MAP3K4: variants seen among roughly 807,000 people sequenced by gnomAD.
MAP3K4 encodes MAP three kinase 1.
MAP3K4 carries 67 observed loss-of-function variants against 185.6 expected under a neutral mutation model. The ratio of observed to expected loss-of-function variants is 0.36; its 90% CI spans 0.30 to 0.44. The LOEUF (loss-of-function observed/expected upper bound fraction) is 0.44. MAP3K4 is among the 20% of genes least tolerant of loss of function. The pLI is 1.00. For missense variants in MAP3K4, 1,551 were observed against 1,995.1 expected (o/e 0.78, Z 4.24); for synonymous variants, 702 against 710.4 (o/e 0.99, Z 0.19).
rs1562472179 is a variant in MAP3K4 at position 161,001,012 on chromosome 6, ATG to A, written c.152+8931_152+8932del. ...ATATTATATATTATAATATACACAT[ATG>A]TATATAATATATATTATATATTATA... On this transcript the variant is annotated intron_variant, in intron 1 of 26. Coordinates refer to ENST00000392142, the MANE Select transcript of MAP3K4 (RefSeq NM_005922.4). Among the ~76,000 whole-genome samples the A allele has an allele frequency of 3.4e-4, 10 of 29,748 alleles. 1 individual carries two copies. Among genetic ancestry groups the A allele is most frequent in the Admixed American group, 2.2e-3 (5 of 2,272 alleles). The allele number at this position is 29,748 out of a possible 152,430, so 19.5% of individuals were successfully genotyped here.
At chr6:161,010,674 A>G (rs1228794408) in intron 1 of MAP3K4, among the ~76,000 whole-genome samples, 1 of 152,214 alleles carries the variant, frequency 6.6e-6, no homozygotes, top group Non-Finnish European at 1.5e-5. Context: ...TATATTTACT[A>G]TGACTAACCC....
At position 161,049,712 on chromosome 6, in the gene MAP3K4, C is replaced by T. The variant is rs56189393; in HGVS notation, c.1440C>T (p.Asn480=). 11 of 1,614,170 alleles carry T rather than the reference C, an allele frequency of 6.8e-6. No homozygotes were observed. Among genetic ancestry groups the T allele is most frequent in the Non-Finnish European group, 8.5e-6 (10 of 1,180,030 alleles). The change falls in exon 3 of 27, where the codon AAC becomes AAT. Residue 480 remains asparagine (N), a synonymous_variant. Coordinates refer to ENST00000392142, the MANE Select transcript of MAP3K4 (RefSeq NM_005922.4). The surrounding 1 kb of genome is among the most constrained non-coding windows in gnomAD (Gnocchi z 8.4). ...CGGAAATCAGACAGCCCATAGATAACAGCTTCGACATCCAGTCGCGGGACT... is the reference window on the plus strand; with the variant it reads ...CGGAAATCAGACAGCCCATAGATAATAGCTTCGACATCCAGTCGCGGGACT... ...RVPEIRQPID[N]SFDIQSRDCI...
chr6:161,049,696 G>A lies in MAP3K4; in HGVS notation c.1424G>A (p.Arg475Lys). ...TCTGATCCTAGGGTACCGGAAATCA[G>A]ACAGCCCATAGATAACAGCTTCGAC... ...QISDPRVPEIRQPIDNSFDIQ... is the reference protein window; with the variant it reads ...QISDPRVPEIKQPIDNSFDIQ... The change falls in exon 3 of 27, where the codon AGA (arginine) becomes AAA (lysine). Residue 475 changes from arginine (R) to lysine (K), a missense_variant. By Grantham distance (26) the Arg-to-Lys change is conservative. This residue lies in a region of MAP3K4 where 126 missense variants were observed against 112.8 expected (regional missense o/e 1.12). Coordinates refer to ENST00000392142, the MANE Select transcript of MAP3K4 (RefSeq NM_005922.4). The surrounding 1 kb of genome is among the most constrained non-coding windows in gnomAD (Gnocchi z 8.4). The A allele has an allele frequency of 1.2e-6, 2 of 1,614,176 alleles. No homozygotes were observed. The highest frequency in any genetic ancestry group is 1.7e-6 in the Non-Finnish European group (2 of 1,180,036).
intron 1 of MAP3K4, among the ~76,000 whole-genome samples, chr6:161,009,686 A>T (rs1781758245): frequency 6.6e-6 from 1 of 151,722 alleles, no homozygotes; most frequent in Admixed American, 6.6e-5. Context: ...ATGTGCATTT[A>T]AAAAAAAATC....
At position 161,106,244 on chromosome 6, in the gene MAP3K4, T is replaced by G. The variant is rs1233754760; in HGVS notation, c.3857-270T>G. Among the ~76,000 whole-genome samples, 1 of 152,188 alleles carries G rather than the reference T, an allele frequency of 6.6e-6. No homozygotes were observed. Among genetic ancestry groups the G allele is most frequent in the Non-Finnish European group, 1.5e-5 (1 of 68,032 alleles). ...GAGGAGAAACTAGAGACATGTATAT[T>G]ACTGCAAGATTTTAGCCAACGTTCT... On this transcript the variant is annotated intron_variant, in intron 19 of 26. Coordinates refer to ENST00000392142, the MANE Select transcript of MAP3K4 (RefSeq NM_005922.4). The surrounding 1 kb of genome is among the most constrained non-coding windows in gnomAD (Gnocchi z 4.9).
At chr6:160,997,078 G>C (rs1444147651) in intron 1 of MAP3K4, among the ~76,000 whole-genome samples, 1 of 152,052 alleles carries the variant, frequency 6.6e-6, no homozygotes, top group Non-Finnish European at 1.5e-5. Flanking sequence ...TTAATCTTCA[G>C]TCTTTATAAC....
chr6:161,108,762 A>G lies in MAP3K4; in HGVS notation c.4139A>G (p.Asp1380Gly). Residue 1380 changes from aspartate (D) to glycine (G), a missense_variant, in exon 22 of 27, where the codon GAC becomes GGC. Transcript: ENST00000392142. This position sits in a 1 kb window ranked among gnomAD's most constrained non-coding sequence, Gnocchi z 5.7. ...TTACAGATTCGATTTCAACCTAATGACCATAAGACTATCAAGGAAACTGCA... is the reference window on the plus strand; with the variant it reads ...TTACAGATTCGATTTCAACCTAATGGCCATAAGACTATCAAGGAAACTGCA... The part of the protein sequence containing the change: ...AMKEIRFQPN[D>G]HKTIKETADE... The G allele has an allele frequency of 6.2e-7, 1 of 1,612,664 alleles. No individual in the cohort carries two copies. Among genetic ancestry groups the G allele is most frequent in the Non-Finnish European group, 8.5e-7 (1 of 1,178,696 alleles).
At chr6:161,040,335 A>G (rs988444830) in intron 2 of MAP3K4, among the ~76,000 whole-genome samples, 9 of 152,312 alleles carry the variant, frequency 5.9e-5, no homozygotes, top group African/African-American at 2.2e-4. Context: ...CAACCTACAC[A>G]CACACAGATA....
chr6:161,065,739 C>G (rs1266895609), intron 3 of MAP3K4, among the ~76,000 whole-genome samples: 1 of 152,056 alleles, frequency 6.6e-6, no homozygotes, highest in African/African-American at 2.4e-5. Context: ...GAGATCAAGA[C>G]CATCCTGGCT....
Position 161,062,755 on chromosome 6 carries a change from G to A in MAP3K4, c.1708-7853G>A, listed in dbSNP as rs569953598. Among the ~76,000 whole-genome samples, 6 of 152,212 alleles carry A rather than the reference G, an allele frequency of 3.9e-5. No individual in the cohort carries two copies. The East Asian group carries it at 5.8e-4, about 15-fold the overall frequency. On this transcript the variant is annotated intron_variant, in intron 3 of 26. Transcript: ENST00000392142. ...GTTTCCATTTACAAGACCTTTGTTT[G>A]TTTGCTGAATACCTAAAGGATTTTT...
At chr6:161,042,117 C>T (rs1783495347) in intron 2 of MAP3K4, among the ~76,000 whole-genome samples, 1 of 151,602 alleles carries the variant, frequency 6.6e-6, no homozygotes, top group African/African-American at 2.4e-5. Context: ...AGAAAATCTC[C>T]CTTTTGATTA....
In MAP3K4 at chr6:161,108,607, T is replaced by C; in HGVS notation, c.4120-136T>C. On this transcript the variant is annotated intron_variant, in intron 21 of 26. Coordinates refer to ENST00000392142, the MANE Select transcript of MAP3K4 (RefSeq NM_005922.4). This position sits in a 1 kb window ranked among gnomAD's most constrained non-coding sequence, Gnocchi z 5.7. Reference sequence around the variant, plus strand: ...GCTTGGCTAAAAACTTCCTTTTTACTTAATTTTTTGTTGTTTTTAATTGAC... The same window carrying C: ...GCTTGGCTAAAAACTTCCTTTTTACCTAATTTTTTGTTGTTTTTAATTGAC... 1.5e-6 allele frequency: 1 copy of C among 649,252 alleles called. No individual in the cohort carries two copies. Among genetic ancestry groups the C allele is most frequent in the Non-Finnish European group, 2.7e-6 (1 of 366,138 alleles). The allele number at this position is 649,252 out of a possible 1,614,324, so 40.2% of individuals were successfully genotyped here. A position where few individuals can be genotyped will look rare whatever the true frequency, so the allele number is the denominator to read the frequency against.
rs774368494 is a variant in MAP3K4 at position 161,049,683 on chromosome 6, G to A, written c.1411G>A (p.Val471Ile). The A allele has an allele frequency of 6.2e-7, 1 of 1,613,952 alleles. No homozygotes were observed. The highest frequency in any genetic ancestry group is 1.3e-5 in the African/African-American group (1 of 74,902). ...AGAAGAACAAATCTCTGATCCTAGGGTACCGGAAATCAGACAGCCCATAGA... is the reference window on the plus strand; with the variant it reads ...AGAAGAACAAATCTCTGATCCTAGGATACCGGAAATCAGACAGCCCATAGA... ...SEEEQISDPRVPEIRQPIDNS... is the reference protein window; with the variant it reads ...SEEEQISDPRIPEIRQPIDNS... The change falls in exon 3 of 27, where the codon GTA (valine) becomes ATA (isoleucine). Residue 471 changes from valine to isoleucine, a missense_variant. Around this residue, in one of 16 missense-constraint regions of MAP3K4, gnomAD observed 126 missense variants for 112.8 expected, o/e 1.12. Coordinates refer to ENST00000392142, the MANE Select transcript of MAP3K4 (RefSeq NM_005922.4). This position sits in a 1 kb window ranked among gnomAD's most constrained non-coding sequence, Gnocchi z 8.4.
chr6:161,039,205 G>C lies in MAP3K4; in HGVS notation c.343+4756G>C, dbSNP rs531834906. Among the ~76,000 whole-genome samples the C allele has an allele frequency of 2.1e-5, 3 of 141,484 alleles. No individual in the cohort carries two copies. In the East Asian group the frequency reaches 6.9e-4, roughly 33 times the overall value. The allele number at this position is 141,484 out of a possible 152,430, so 92.8% of individuals were successfully genotyped here. On this transcript the variant is annotated intron_variant, in intron 2 of 26. Coordinates refer to ENST00000392142, the MANE Select transcript of MAP3K4 (RefSeq NM_005922.4). Reference sequence around the variant, plus strand: ...AAGTTAACTGCTACATGCATTCATTGTAAAGCTTTGGGGAATTAGAATCTG... The same window carrying C: ...AAGTTAACTGCTACATGCATTCATTCTAAAGCTTTGGGGAATTAGAATCTG...
chr6:161,087,471 C>T lies in MAP3K4; in HGVS notation c.2557-217C>T, dbSNP rs1293740351. On this transcript the variant is annotated intron_variant, in intron 9 of 26. Transcript: ENST00000392142. This position sits in a 1 kb window ranked among gnomAD's most constrained non-coding sequence, Gnocchi z 4.9. Reference sequence around the variant, plus strand: ...AGGATGTCCAATAATCGGGGAGACTCTGTAAGGCCTCTCCTCCAGTGCGTT... The same window carrying T: ...AGGATGTCCAATAATCGGGGAGACTTTGTAAGGCCTCTCCTCCAGTGCGTT... 6.6e-6 allele frequency among the ~76,000 whole-genome samples: 1 copy of T among 152,120 alleles called. No homozygotes were observed. Among genetic ancestry groups the T allele is most frequent in the Non-Finnish European group, 1.5e-5 (1 of 68,016 alleles).
chr6:161,108,043 C>T lies in MAP3K4; in HGVS notation c.4119+74C>T, dbSNP rs536668431. On this transcript the variant is annotated intron_variant, in intron 21 of 26. Coordinates refer to ENST00000392142, the MANE Select transcript of MAP3K4 (RefSeq NM_005922.4). The surrounding 1 kb of genome is among the most constrained non-coding windows in gnomAD (Gnocchi z 5.7). The stretch of plus-strand genomic sequence containing the variant: ...ATAGAAATTCCGTATAGACGCTGGT[C>T]GTGATTCAGTTCTCTGTGCGTAGAG... The T allele has an allele frequency of 4.8e-5, 65 of 1,356,162 alleles. No homozygotes were observed. The South Asian group carries it at 6.5e-4, about 14-fold the overall frequency. 84.0% of individuals were successfully genotyped at this position (1,356,162 alleles called of 1,614,324 possible).
Position 161,098,984 on chromosome 6 carries a change from A to G in MAP3K4, c.3674+557A>G, listed in dbSNP as rs1286343933. ...CAGACAACTTGGCAAGCCCCAGAACAATTAAGTCTCGCATTGTCTTTTGTG... is the reference window on the plus strand; with the variant it reads ...CAGACAACTTGGCAAGCCCCAGAACGATTAAGTCTCGCATTGTCTTTTGTG... On this transcript the variant is annotated intron_variant, in intron 17 of 26. Transcript: ENST00000392142. The surrounding 1 kb of genome is among the most constrained non-coding windows in gnomAD (Gnocchi z 4.4). Among the ~76,000 whole-genome samples the G allele has an allele frequency of 6.6e-6, 1 of 152,242 alleles. No homozygotes were observed. The highest frequency in any genetic ancestry group is 2.4e-5 in the African/African-American group (1 of 41,470).
At position 161,049,611 on chromosome 6, in the gene MAP3K4, A is replaced by G; in HGVS notation, c.1339A>G (p.Thr447Ala). Residue 447 changes from threonine to alanine, a missense_variant, in exon 3 of 27, where the codon ACA becomes GCA. Physicochemically the swap from Thr to Ala is moderately conservative, Grantham distance 58. Coordinates refer to ENST00000392142, the MANE Select transcript of MAP3K4 (RefSeq NM_005922.4). The surrounding 1 kb of genome is among the most constrained non-coding windows in gnomAD (Gnocchi z 8.4). ...GNEPEYEGDD[T>A]EGELKELESS... The stretch of plus-strand genomic sequence containing the variant: ...TGAGCCGGAGTATGAGGGTGATGAC[A>G]CAGAAGGAGAATTAAAGGAGTTGGA... The G allele has an allele frequency of 6.2e-7, 1 of 1,614,216 alleles. No individual in the cohort carries two copies. The highest frequency in any genetic ancestry group is 1.1e-5 in the South Asian group (1 of 91,084).
chr6:161,084,461 A>G lies in MAP3K4; in HGVS notation c.2256-40A>G, dbSNP rs556103489. On this transcript the variant is annotated intron_variant, in intron 6 of 26. Transcript: ENST00000392142. The surrounding 1 kb of genome is among the most constrained non-coding windows in gnomAD (Gnocchi z 4.6). Reference sequence around the variant, plus strand: ...CAAGAATTAGGCTATGAGTAGGGACAGTTTTCTTCTCTGTTTTATTTTTAT... The same window carrying G: ...CAAGAATTAGGCTATGAGTAGGGACGGTTTTCTTCTCTGTTTTATTTTTAT... 13 of 940,114 alleles carry G rather than the reference A, an allele frequency of 1.4e-5. No individual in the cohort carries two copies. Among genetic ancestry groups the G allele is most frequent in the Non-Finnish European group, 1.9e-5 (11 of 567,386 alleles). The allele number at this position is 940,114 out of a possible 1,614,324, so 58.2% of individuals were successfully genotyped here.
Sources: gnomAD v4.1 joint callset for allele counts (sites outside exome capture counted in the v4.1 genomes callset) on GRCh38, gnomAD v4.1.1 for gene constraint, gnomAD v4.1.1 regional missense constraint, Gnocchi (gnomAD v3.1) non-coding constraint, MANE v1.5 for transcripts, NCBI Gene and HGNC (gene_info 2026-07-23, HGNC 2026-07-21) for gene names.